The following CYTH1 variants were observed in gnomAD, a reference collection of about 807,000 sequenced individuals.
CYTH1 encodes cytohesin-1.
A neutral mutation model predicts 61.8 loss-of-function variants in CYTH1; 18 were observed. The observed-to-expected ratio is 0.29, with a 90% confidence interval of 0.20 to 0.43. The LOEUF is 0.43. CYTH1 is among the 20% of genes least tolerant of loss of function. CYTH1 has a pLI of 1.00. For missense variants in CYTH1, 336 were observed against 510.5 expected (o/e 0.66, Z 3.29); for synonymous variants, 174 against 184.3 (o/e 0.94, Z 0.45).
intron 1 of CYTH1, among the ~76,000 whole-genome samples, chr17:78,774,719 T>C (rs1183027415): frequency 6.6e-6 from 1 of 152,104 alleles, no homozygotes; most frequent in African/African-American, 2.4e-5. Flanking sequence ...TTGAATCTTC[T>C]CACCACCCAC....
intron 1 of CYTH1, among the ~76,000 whole-genome samples, chr17:78,756,079 ATT>A (rs143186254): frequency 7.2e-6 from 1 of 138,100 alleles, no homozygotes. Context: ...ATTTATTTTT[ATT>A]TTTTTTTTTT....
chr17:78,779,400 CAAAAA>C (rs56061178), intron 1 of CYTH1, among the ~76,000 whole-genome samples: 10 of 84,204 alleles, frequency 1.2e-4, no homozygotes, highest in South Asian at 4.1e-4. Flanking sequence ...AACTCCATCT[CAAAAA>C]AAAAAAAAAA....
chr17:78,710,402 T>G (rs2093116764), intron 1 of CYTH1, among the ~76,000 whole-genome samples: 1 of 152,104 alleles, frequency 6.6e-6, no homozygotes, highest in South Asian at 2.1e-4. Flanking sequence ...GTTACTTAAT[T>G]CCCAGATCAC....
chr17:78,674,531 C>G lies in CYTH1; in HGVS notation c.*1560G>C, dbSNP rs1187868825. 6.6e-6 allele frequency: 1 copy of G among 152,280 alleles called. No individual in the cohort carries two copies. The highest frequency in any genetic ancestry group is 1.9e-4 in the East Asian group (1 of 5,200). The allele number at this position is 152,280 out of a possible 1,614,324, so 9.4% of individuals were successfully genotyped here. Reference sequence around the variant, plus strand: ...CACAAAGTGGCGGGGAGGGAGGTGACAGACTGTCCCCCTCTATTCCTCCCA... The same window carrying G: ...CACAAAGTGGCGGGGAGGGAGGTGAGAGACTGTCCCCCTCTATTCCTCCCA... On this transcript the variant is annotated 3_prime_UTR_variant, in exon 14 of 14. Coordinates refer to ENST00000446868, the MANE Select transcript of CYTH1 (RefSeq NM_004762.6).
At chr17:78,677,278 G>A in intron 13 of CYTH1, 1 of 361,990 alleles carries the variant, frequency 2.8e-6, no homozygotes, top group East Asian at 7.5e-5. Context: ...AACCCTTTCG[G>A]GTAAGCTGGG....
chr17:78,699,967 T>G (rs961696400), intron 7 of CYTH1, among the ~76,000 whole-genome samples: 2 of 152,090 alleles, frequency 1.3e-5, no homozygotes, highest in African/African-American at 2.4e-5. Flanking sequence ...TTTTTAAAAA[T>G]TTTTTTGGAG....
intron 9 of CYTH1, among the ~76,000 whole-genome samples, chr17:78,697,343 AAG>A (rs1555604999): frequency 1.3e-5 from 2 of 151,598 alleles, no homozygotes; most frequent in Non-Finnish European, 2.9e-5. Context: ...AAAAAAAAAA[AAG>A]GACATCATTA....
Position 78,705,122 on chromosome 17 carries a change from G to A in CYTH1, c.171-2518C>T, listed in dbSNP as rs140681316. Among the ~76,000 whole-genome samples, 10 of 152,244 alleles carry A rather than the reference G, an allele frequency of 6.6e-5. No individual in the cohort carries two copies. In the East Asian group the frequency reaches 1.3e-3, roughly 21 times the overall value. On this transcript the variant is annotated intron_variant, in intron 3 of 13. Transcript: ENST00000446868. ...TTTCCAGTGTAAGTGGTGAGGCAGC[G>A]TCAGAGGTGCCCACAGAAGCAAGGG...
In CYTH1 at chr17:78,700,367, A is replaced by G. The variant is rs1243247969; in HGVS notation, c.514T>C (p.Tyr172His). ...AACACGCCATTATTGCACTGACAATATCGCTGGGCAAACGCCTCCATCATC... is the reference window on the plus strand; with the variant it reads ...AACACGCCATTATTGCACTGACAATGTCGCTGGGCAAACGCCTCCATCATC... ...DRMMEAFAQR[Y>H]CQCNNGVFQS... is the part of the protein sequence containing the mutation. The change falls in exon 7 of 14, where the codon TAT becomes CAT. Residue 172 changes from tyrosine to histidine, a missense_variant. This residue lies in a region of CYTH1 where 125 missense variants were observed against 209.9 expected (regional missense o/e 0.60). Coordinates refer to ENST00000446868, the MANE Select transcript of CYTH1 (RefSeq NM_004762.6). The surrounding 1 kb of genome is among the most constrained non-coding windows in gnomAD (Gnocchi z 5.1). The G allele has an allele frequency of 6.2e-7, 1 of 1,613,512 alleles. No homozygotes were observed. Among genetic ancestry groups the G allele is most frequent in the Non-Finnish European group, 8.5e-7 (1 of 1,179,682 alleles).
intron 13 of CYTH1, 38 bp downstream of exon 13, chr17:78,680,152 C>T (rs2092743462): frequency 6.2e-7 from 1 of 1,610,782 alleles, no homozygotes; most frequent in Admixed American, 1.7e-5. Context: ...GTGAGGGCTG[C>T]ACCAGGCGCG....
rs1046162637 is a variant in CYTH1, at chr17:78,717,208, C to T, written c.23-7476G>A. 3.9e-5 allele frequency among the ~76,000 whole-genome samples: 6 copies of T among 152,180 alleles called. No homozygotes were observed. The highest frequency in any genetic ancestry group is 7.3e-5 in the Non-Finnish European group (5 of 68,038). The stretch of plus-strand genomic sequence containing the variant: ...GCAGCAGGTTGTCCCTGCCGGCAGC[C>T]TGAGCACAATGGAGACAAACCAGAG... On this transcript the variant is annotated intron_variant, in intron 1 of 13. Transcript: ENST00000446868. The surrounding 1 kb of genome is among the most constrained non-coding windows in gnomAD (Gnocchi z 4.4).
chr17:78,767,388 T>C (rs1388161619), intron 1 of CYTH1, among the ~76,000 whole-genome samples: 1 of 152,198 alleles, frequency 6.6e-6, no homozygotes, highest in African/African-American at 2.4e-5. Context: ...ATAGCATTTG[T>C]TGGTATTTCC....
intron 13 of CYTH1, among the ~76,000 whole-genome samples, chr17:78,679,033 C>T (rs140425705): frequency 6.6e-6 from 1 of 152,348 alleles, no homozygotes; most frequent in East Asian, 1.9e-4. Context: ...ATCACATCAT[C>T]TCCATCTTCA....
chr17:78,701,888 G>A (rs2093014018), intron 5 of CYTH1, 137 bp from the exon 6 acceptor site: 1 of 876,694 alleles, frequency 1.1e-6, no homozygotes, highest in Admixed American at 2.1e-5. Context: ...TGTGCACACT[G>A]TCCGCAAGAA....
chr17:78,765,923 C>A (rs1374091584), intron 1 of CYTH1, among the ~76,000 whole-genome samples: 1 of 151,926 alleles, frequency 6.6e-6, no homozygotes, highest in Non-Finnish European at 1.5e-5. Context: ...TCCTTGGTGA[C>A]CCTACCACAG....
At chr17:78,709,000 G>T (rs929841773) in intron 2 of CYTH1, 2 of 152,264 alleles carry the variant, frequency 1.3e-5, no homozygotes, top group African/African-American at 2.4e-5. Flanking sequence ...AATTCTGAAA[G>T]AATAACATTT....
chr17:78,710,119 C>T (rs1420644317), intron 1 of CYTH1, among the ~76,000 whole-genome samples: 2 of 152,132 alleles, frequency 1.3e-5, no homozygotes, highest in Admixed American at 1.3e-4. Context: ...TGGTCAAAAA[C>T]AGAGTCTCCG....
chr17:78,776,383 G>A (rs558417668), intron 1 of CYTH1, among the ~76,000 whole-genome samples: 8 of 151,836 alleles, frequency 5.3e-5, no homozygotes, highest in Admixed American at 3.3e-4. Context: ...CAAGCCAGGC[G>A]CAATGGCTCA....
chr17:78,764,958 G>C (rs766714532), intron 1 of CYTH1, among the ~76,000 whole-genome samples: 1 of 152,072 alleles, frequency 6.6e-6, no homozygotes, highest in Non-Finnish European at 1.5e-5. Context: ...CAGGGTAAGG[G>C]TGGCAAGCAG....
Sources: allele counts gnomAD v4.1 joint callset (sites outside exome capture counted in the v4.1 genomes callset), GRCh38; gene constraint gnomAD v4.1.1; regional missense constraint gnomAD v4.1.1; non-coding constraint Gnocchi (gnomAD v3.1); transcripts MANE v1.5; gene names NCBI Gene and HGNC (gene_info 2026-07-23, HGNC 2026-07-21).